The following BRINP2 variants were observed in gnomAD, a reference collection of about 807,000 sequenced individuals.
BRINP2 encodes BMP/retinoic acid inducible neural specific 2, also known as BMP/retinoic acid-inducible neural-specific protein 2.
In BRINP2, 21 loss-of-function variants were observed where a neutral mutation model predicts 69.2. The observed-to-expected ratio is 0.30, with a 90% CI of 0.22 to 0.44. The LOEUF is 0.44. Among genes scored for constraint, BRINP2 ranks in the 20% least tolerant of loss-of-function variants. BRINP2 has a pLI of 1.00. For missense variants in BRINP2, 877 were observed against 986.0 expected (o/e 0.89, Z 1.48); for synonymous variants, 380 against 394.1 (o/e 0.96, Z 0.42).
intron 4 of BRINP2, among the ~76,000 whole-genome samples, chr1:177,270,091 T>TGC (rs1405690152): frequency 3.6e-5 from 5 of 140,148 alleles, no homozygotes; most frequent in Admixed American, 1.4e-4. Flanking sequence ...GTGGGGGGGG[T>TGC]GGTTCTCAAG....
intron 1 of BRINP2, among the ~76,000 whole-genome samples, chr1:177,219,710 A>T (rs974448372): frequency 6.6e-6 from 1 of 152,250 alleles, no homozygotes; most frequent in Middle Eastern, 3.2e-3. Context: ...CAGGCCTGGC[A>T]GAAAGCCAAG....
At chr1:177,191,952 G>T (rs1313475928) in intron 1 of BRINP2, among the ~76,000 whole-genome samples, 1 of 152,118 alleles carries the variant, frequency 6.6e-6, no homozygotes. Context: ...ATTTCTTCTT[G>T]TGTTTTCTTT....
intron 6 of BRINP2, among the ~76,000 whole-genome samples, 182 bp downstream of exon 6, chr1:177,276,616 T>G (rs1471828790): frequency 1.3e-5 from 2 of 152,208 alleles, no homozygotes; most frequent in South Asian, 4.1e-4. Context: ...GTTTCATTTT[T>G]TTCTAGGACA....
intron 1 of BRINP2, among the ~76,000 whole-genome samples, chr1:177,194,036 GTTGCAAT>G (rs1648668771): frequency 2.6e-5 from 4 of 152,146 alleles, no homozygotes; most frequent in Non-Finnish European, 5.9e-5. Context: ...ACATAGTATT[GTTGCAAT>G]GGAAATGTTG....
At chr1:177,176,766 G>GA (rs59213669) in intron 1 of BRINP2, among the ~76,000 whole-genome samples, 23,079 of 151,990 alleles carry the variant, frequency 0.15, 3,498 homozygotes, top group African/African-American at 0.39. Context: ...ATATTTATTT[G>GA]AAGAGGGACC....
intron 1 of BRINP2, among the ~76,000 whole-genome samples, chr1:177,228,526 T>C (rs561827990): frequency 6.6e-6 from 1 of 152,040 alleles, no homozygotes; most frequent in East Asian, 1.9e-4. Flanking sequence ...CTTACCAGAG[T>C]CTGGAACTGC....
At chr1:177,273,651 C>T in intron 5 of BRINP2, 58 bp downstream of exon 5, 1 of 1,085,884 alleles carries the variant, frequency 9.2e-7, no homozygotes. Flanking sequence ...AAAAAAAATT[C>T]CTAGATCAAA....
chr1:177,206,772 G>T (rs778689262), intron 1 of BRINP2, among the ~76,000 whole-genome samples: 6 of 152,198 alleles, frequency 3.9e-5, no homozygotes, highest in African/African-American at 1.4e-4. Context: ...ACGTGGCTAC[G>T]TTGGCAAATG....
At chr1:177,233,690 G>T (rs1649931014) in intron 2 of BRINP2, among the ~76,000 whole-genome samples, 1 of 152,100 alleles carries the variant, frequency 6.6e-6, no homozygotes, top group Non-Finnish European at 1.5e-5. Context: ...GATCTTCTCT[G>T]GGGCACACTC....
intron 1 of BRINP2, among the ~76,000 whole-genome samples, chr1:177,205,850 G>A (rs1460288374): frequency 1.3e-5 from 2 of 152,230 alleles, no homozygotes; most frequent in Non-Finnish European, 2.9e-5. Context: ...TAGGCTTCAA[G>A]ATGGCCTTCA....
chr1:177,244,971 C>A (rs935268900), intron 2 of BRINP2, among the ~76,000 whole-genome samples: 31 of 152,226 alleles, frequency 2.0e-4, no homozygotes, highest in African/African-American at 6.3e-4. Flanking sequence ...AAATAAGCTC[C>A]CCTCTCACAA....
chr1:177,175,836 G>A (rs1387890293), intron 1 of BRINP2, among the ~76,000 whole-genome samples: 1 of 152,218 alleles, frequency 6.6e-6, no homozygotes, highest in Admixed American at 6.5e-5. Context: ...GCTGGACTGT[G>A]AGCATGACTC....
intron 1 of BRINP2, among the ~76,000 whole-genome samples, chr1:177,193,741 T>G (rs1648658518): frequency 6.6e-6 from 1 of 152,230 alleles, no homozygotes. Flanking sequence ...GGCTGAGGTC[T>G]TTACAGCAGA....
chr1:177,256,224 A>C, intron 3 of BRINP2, 115 bp downstream of exon 3: 1 of 1,430,450 alleles, frequency 7.0e-7, no homozygotes, highest in South Asian at 1.5e-5. Flanking sequence ...TTATTGCCTG[A>C]GAAGTCTTTC....
At chr1:177,249,774 G>T (rs191208798) in intron 2 of BRINP2, among the ~76,000 whole-genome samples, 3 of 152,338 alleles carry the variant, frequency 2.0e-5, no homozygotes, top group Non-Finnish European at 2.9e-5. Flanking sequence ...AGCTCAGGCT[G>T]CCTTCCAGTA....
Position 177,281,378 on chromosome 1 carries a change from C to T in BRINP2, c.2202C>T (p.Gly734=), listed in dbSNP as rs1651696293. 3.1e-6 allele frequency: 5 copies of T among 1,614,162 alleles called. No individual in the cohort carries two copies. Among genetic ancestry groups the T allele is most frequent in the African/African-American group, 1.3e-5 (1 of 75,026 alleles). ...GGGTGAACCAGCTTTCTCCACCTGGCAAAGTCCGACTTGACCTTTTCTCCT... is the reference window on the plus strand; with the variant it reads ...GGGTGAACCAGCTTTCTCCACCTGGTAAAGTCCGACTTGACCTTTTCTCCT... ...RDRVNQLSPP[G]KVRLDLFSCL... The change falls in exon 8 of 8, where the codon GGC becomes GGT. Residue 734 remains glycine, a synonymous_variant. Transcript: ENST00000361539.
intron 1 of BRINP2, among the ~76,000 whole-genome samples, chr1:177,186,302 G>C (rs1458800278): frequency 6.6e-6 from 1 of 152,148 alleles, no homozygotes; most frequent in South Asian, 2.1e-4. Flanking sequence ...TCACTTCTAT[G>C]GCCCTGAGTT....
chr1:177,199,371 T>A (rs12563309), intron 1 of BRINP2, among the ~76,000 whole-genome samples: 18,435 of 152,124 alleles, frequency 0.12, 1,954 homozygotes, highest in African/African-American at 0.28. Context: ...AGAGGATGAT[T>A]ATCTGATAAC....
intron 7 of BRINP2, 79 bp downstream of exon 7, chr1:177,278,864 C>G (rs1651599130): frequency 7.2e-7 from 1 of 1,391,602 alleles, no homozygotes; most frequent in Admixed American, 1.8e-5. Flanking sequence ...ACCCTCTGTC[C>G]AATGTAGGGG....
Sources: allele counts gnomAD v4.1 joint callset (sites outside exome capture counted in the v4.1 genomes callset), GRCh38; gene constraint gnomAD v4.1.1; transcripts MANE v1.5; gene names NCBI Gene and HGNC (gene_info 2026-07-23, HGNC 2026-07-21).